The following P2RY12 variants were observed in gnomAD, a reference collection of about 807,000 sequenced individuals.
P2RY12 encodes the protein P2Y purinoceptor 12.
P2RY12 carries 3 observed loss-of-function variants against 4.5 expected under a neutral mutation model. The observed-to-expected ratio is 0.67, with a 90% CI of 0.31 to 1.74. The LOEUF (loss-of-function observed/expected upper bound fraction) is 1.74, where lower values mean the gene tolerates loss of function less well. Ranked by LOEUF, P2RY12 falls within the 40% of genes most tolerant of loss-of-function variation. The pLI is 0.09. For synonymous variants in P2RY12, 148 were observed against 154.1 expected (o/e 0.96, Z 0.29); for missense variants, 356 against 407.8 (o/e 0.87, Z 1.09).
intron 1 of P2RY12, among the ~76,000 whole-genome samples, chr3:151,345,433 G>C (rs950758506): frequency 2.0e-5 from 3 of 151,520 alleles, no homozygotes; most frequent in African/African-American, 7.3e-5. Context: ...AAAATATTTG[G>C]TATATTTTCT....
chr3:151,349,539 C>T (rs151221512), intron 1 of P2RY12, among the ~76,000 whole-genome samples: 166 of 152,262 alleles, frequency 1.1e-3, no homozygotes, highest in African/African-American at 3.6e-3. Flanking sequence ...CCACCTTGGC[C>T]TCCCAAAGCA....
At chr3:151,350,123 G>A (rs780300319) in intron 1 of P2RY12, 10 of 1,613,552 alleles carry the variant, frequency 6.2e-6, no homozygotes, top group South Asian at 3.3e-5. Flanking sequence ...GGCAAAGAGC[G>A]TGATGAAGCA....
At chr3:151,384,221 A>G (rs1712911501) in intron 1 of P2RY12, 1 of 1,604,092 alleles carries the variant, frequency 6.2e-7, no homozygotes, top group Non-Finnish European at 8.5e-7. Flanking sequence ...AACTGAAAGT[A>G]AGTTTGAGAT....
chr3:151,357,390 A>G (rs781741022), intron 1 of P2RY12: 2 of 1,552,268 alleles, frequency 1.3e-6, no homozygotes, highest in Admixed American at 4.0e-5. Context: ...GGTATATAGC[A>G]TGTCATTGTT....
At chr3:151,350,356 A>T in intron 1 of P2RY12, 1 of 588,286 alleles carries the variant, frequency 1.7e-6, no homozygotes, top group Admixed American at 3.8e-5. Context: ...GCACATTTAA[A>T]TTTTAAAGCC....
At position 151,337,606 on chromosome 3, in the gene P2RY12, A is replaced by G. The variant is rs1751184071; in HGVS notation, c.*211T>C. 1.8e-6 allele frequency: 1 copy of G among 553,252 alleles called. No homozygotes were observed. The highest frequency in any genetic ancestry group is 2.3e-5 in the South Asian group (1 of 42,994). The allele number at this position is 553,252 out of a possible 1,614,324, so 34.3% of individuals were successfully genotyped here. A position where few individuals can be genotyped will look rare whatever the true frequency, so the allele number is the denominator to read the frequency against. ...ATTGGATGTCGTTTGTTTTGCTGCT[A>G]ATACAGCTACAGTTTAGATTAGTTT... On this transcript the variant is annotated 3_prime_UTR_variant, in exon 3 of 3. Coordinates refer to ENST00000302632, the MANE Select transcript of P2RY12 (RefSeq NM_022788.5).
At chr3:151,362,561 G>A (rs532005538) in intron 1 of P2RY12, among the ~76,000 whole-genome samples, 1 of 151,994 alleles carries the variant, frequency 6.6e-6, no homozygotes, top group South Asian at 2.1e-4. Flanking sequence ...ATCATTCTGA[G>A]CCTCAGCACT....
chr3:151,338,237 TAAG>T lies in P2RY12; in HGVS notation c.606_608del (p.Phe202del). On this transcript the variant is annotated inframe_deletion, in exon 3 of 3. Transcript: ENST00000302632. ...TGAGTGTATAACATACAATAACAAT[TAAG>T]AAATTAATCCAGAAAATGACTTGAC... 5 of 1,614,106 alleles carry T rather than the reference TAAG, an allele frequency of 3.1e-6. No homozygotes were observed. The highest frequency in any genetic ancestry group is 4.2e-6 in the Non-Finnish European group (5 of 1,179,982).
chr3:151,354,553 G>C (rs1209059813), intron 1 of P2RY12, among the ~76,000 whole-genome samples: 1 of 152,122 alleles, frequency 6.6e-6, no homozygotes, highest in Non-Finnish European at 1.5e-5. Flanking sequence ...GTCAAAGTGA[G>C]CCCAGGAGAT....
intron 1 of P2RY12, among the ~76,000 whole-genome samples, chr3:151,346,723 C>A (rs1054671805): frequency 6.6e-6 from 1 of 152,092 alleles, no homozygotes; most frequent in African/African-American, 2.4e-5. Flanking sequence ...GCTCTCTTAG[C>A]CCTTCTTCCC....
At chr3:151,357,723 A>C (rs1754102674) in intron 1 of P2RY12, among the ~76,000 whole-genome samples, 1 of 152,186 alleles carries the variant, frequency 6.6e-6, no homozygotes, top group Non-Finnish European at 1.5e-5. Flanking sequence ...ATGTAATTTC[A>C]GTTTATGTTT....
intron 1 of P2RY12, among the ~76,000 whole-genome samples, chr3:151,346,585 G>A (rs997069514): frequency 7.2e-5 from 11 of 152,096 alleles, no homozygotes; most frequent in African/African-American, 1.9e-4. Flanking sequence ...CTCACTGGAC[G>A]TTGTCAGTGA....
chr3:151,352,499 C>T (rs1392391909), intron 1 of P2RY12, among the ~76,000 whole-genome samples: 1 of 152,108 alleles, frequency 6.6e-6, no homozygotes, highest in African/African-American at 2.4e-5. Context: ...AGTGTAAGCA[C>T]CAGAAATTAG....
Position 151,372,876 on chromosome 3 carries a change from A to C in P2RY12, c.-180+11816T>G, listed in dbSNP as rs544205200. 26 of 736,882 alleles carry C rather than the reference A, an allele frequency of 3.5e-5. No individual in the cohort carries two copies. In the Admixed American group the frequency reaches 6.7e-4, roughly 19 times the overall value. 45.6% of individuals were successfully genotyped at this position (736,882 alleles called of 1,614,324 possible). On this transcript the variant is annotated intron_variant, in intron 1 of 2. Transcript: ENST00000302632. ...ATAGGTGGGCCTTTTTTTCTTGCTC[A>C]CTTTATTTCGAAATAATTTTAAGTT...
intron 1 of P2RY12, among the ~76,000 whole-genome samples, chr3:151,373,258 T>C (rs903419386): frequency 6.6e-6 from 1 of 152,186 alleles, no homozygotes; most frequent in Non-Finnish European, 1.5e-5. Context: ...CTGGCCAAGA[T>C]ACTACAGAAA....
At chr3:151,381,387 G>A (rs1018399867) in intron 1 of P2RY12, among the ~76,000 whole-genome samples, 31 of 152,078 alleles carry the variant, frequency 2.0e-4, no homozygotes, top group Admixed American at 1.3e-4. Context: ...TAAAAAATTC[G>A]GGCTGATAAG....
intron 1 of P2RY12, among the ~76,000 whole-genome samples, chr3:151,381,359 A>G (rs1397070855): frequency 4.6e-5 from 7 of 152,190 alleles, no homozygotes; most frequent in African/African-American, 1.4e-4. Flanking sequence ...GTCACATATT[A>G]CCTCAGTATA....
chr3:151,349,913 G>A, intron 1 of P2RY12: 2 of 548,212 alleles, frequency 3.6e-6, no homozygotes. Context: ...GGTGTTGCCA[G>A]TGGAGGTTGA....
chr3:151,364,971 A>G lies in P2RY12; in HGVS notation c.-180+19721T>C, dbSNP rs1755095737. On this transcript the variant is annotated intron_variant, in intron 1 of 2. Transcript: ENST00000302632. ...TTTCTGTTTTAACTTTTTTTCTTAT[A>G]ACCTCAGTAGTGCCTGTTCAAAAGT... The G allele has an allele frequency of 2.5e-6, 4 of 1,598,844 alleles. No homozygotes were observed. The East Asian group carries it at 6.7e-5, about 27-fold the overall frequency.
Sources: allele counts gnomAD v4.1 joint callset (sites outside exome capture counted in the v4.1 genomes callset), GRCh38; gene constraint gnomAD v4.1.1; transcripts MANE v1.5; gene names NCBI Gene and HGNC (gene_info 2026-07-23, HGNC 2026-07-21).